The following PLA2G4A variants were observed in gnomAD, a reference collection of about 807,000 sequenced individuals.
PLA2G4A encodes the protein phospholipase A2 group IVA.
PLA2G4A carries 40 observed loss-of-function variants against 81.9 expected under a neutral mutation model. The ratio of observed to expected loss-of-function variants is 0.49; its 90% CI spans 0.38 to 0.64. The LOEUF is 0.64. PLA2G4A is among the 30% of genes least tolerant of loss of function. The pLI is 0.00. For missense variants in PLA2G4A, 715 were observed against 905.1 expected, an observed-to-expected ratio of 0.79 and a Z score of 2.69; for synonymous variants, 302 against 296.9, an observed-to-expected ratio of 1.02 and a Z score of -0.18.
chr1:186,894,040 G>A, intron 4 of PLA2G4A, 58 bp from the exon 5 acceptor site: 1 of 781,864 alleles, frequency 1.3e-6, no homozygotes, highest in Non-Finnish European at 2.4e-6. Flanking sequence ...AATTATAGAT[G>A]TCATTTCCAA....
intron 17 of PLA2G4A, among the ~76,000 whole-genome samples, chr1:186,986,933 A>G (rs1657909891): frequency 6.6e-6 from 1 of 152,222 alleles, no homozygotes; most frequent in African/African-American, 2.4e-5. Context: ...GGATCAGCAA[A>G]TATCAGCTTT....
intron 15 of PLA2G4A, among the ~76,000 whole-genome samples, chr1:186,967,748 G>T (rs1300091412): frequency 6.6e-6 from 1 of 152,092 alleles, no homozygotes; most frequent in African/African-American, 2.4e-5. Context: ...ACATCTAAGG[G>T]GCAGGAGTGA....
chr1:186,906,594 G>C (rs1480587534), intron 5 of PLA2G4A, among the ~76,000 whole-genome samples: 1 of 152,204 alleles, frequency 6.6e-6, no homozygotes, highest in Non-Finnish European at 1.5e-5. Context: ...TTTGTGGCCT[G>C]AGGCAGCTCC....
intron 6 of PLA2G4A, among the ~76,000 whole-genome samples, chr1:186,910,617 G>C (rs1654904820): frequency 6.6e-6 from 1 of 151,984 alleles, no homozygotes. Flanking sequence ...GTGACTTCTG[G>C]CATAGTGTAG....
intron 3 of PLA2G4A, among the ~76,000 whole-genome samples, chr1:186,892,634 C>A (rs954125218): frequency 6.6e-6 from 1 of 152,120 alleles, no homozygotes; most frequent in African/African-American, 2.4e-5. Flanking sequence ...TAGCTTTAAG[C>A]CCATGATCTT....
At chr1:186,835,672 A>G (rs1221946668) in intron 1 of PLA2G4A, among the ~76,000 whole-genome samples, 1 of 152,210 alleles carries the variant, frequency 6.6e-6, no homozygotes, top group Non-Finnish European at 1.5e-5. Flanking sequence ...GATCTCAAAG[A>G]GAGAACACTA....
chr1:186,951,371 T>C (rs1656554693), intron 13 of PLA2G4A, among the ~76,000 whole-genome samples: 1 of 152,054 alleles, frequency 6.6e-6, no homozygotes, highest in Non-Finnish European at 1.5e-5. Flanking sequence ...AAAGTCATAT[T>C]TGTTGTAAAT....
intron 5 of PLA2G4A, among the ~76,000 whole-genome samples, chr1:186,904,009 ACT>A (rs1400827421): frequency 1.3e-5 from 2 of 152,116 alleles, no homozygotes; most frequent in Non-Finnish European, 2.9e-5. Flanking sequence ...TTTCAAAATG[ACT>A]CTGGAGAGTT....
intron 7 of PLA2G4A, among the ~76,000 whole-genome samples, chr1:186,931,527 TA>T (rs1571413274): frequency 1.4e-5 from 1 of 73,424 alleles, no homozygotes; most frequent in African/African-American, 3.2e-5. Context: ...CTATTATTAT[TA>T]TTATTATTAT....
chr1:186,881,574 C>T (rs12720526), intron 3 of PLA2G4A, among the ~76,000 whole-genome samples: 2,789 of 152,130 alleles, frequency 0.018, 102 homozygotes, highest in African/African-American at 0.065. Context: ...GTAAACAAGT[C>T]CTGTGGCACT....
intron 12 of PLA2G4A, 36 bp from the exon 13 acceptor site, chr1:186,950,621 C>G: frequency 8.5e-7 from 1 of 1,176,668 alleles, no homozygotes. Flanking sequence ...ATTTTGACAC[C>G]TGAAATGCTT....
intron 10 of PLA2G4A, among the ~76,000 whole-genome samples, chr1:186,944,045 A>G (rs1003279296): frequency 6.6e-6 from 1 of 152,168 alleles, no homozygotes; most frequent in Non-Finnish European, 1.5e-5. Context: ...ATAGATGGAT[A>G]TGAGAGGCCT....
intron 2 of PLA2G4A, among the ~76,000 whole-genome samples, chr1:186,854,773 C>T (rs958512681): frequency 2.0e-5 from 3 of 151,902 alleles, no homozygotes; most frequent in African/African-American, 7.2e-5. Context: ...TTTGCATTTT[C>T]AGGGCAATTA....
intron 10 of PLA2G4A, among the ~76,000 whole-genome samples, chr1:186,946,181 A>G (rs934258979): frequency 3.3e-5 from 5 of 152,168 alleles, no homozygotes; most frequent in Non-Finnish European, 5.9e-5. Context: ...ATAGACAGTT[A>G]GTGAGCAAAA....
At chr1:186,839,720 A>C (rs895213552) in intron 1 of PLA2G4A, among the ~76,000 whole-genome samples, 2 of 152,144 alleles carry the variant, frequency 1.3e-5, no homozygotes, top group African/African-American at 4.8e-5. Context: ...CTACATGTTC[A>C]TTATGGTGCT....
At chr1:186,955,089 T>C (rs1256944844) in intron 13 of PLA2G4A, among the ~76,000 whole-genome samples, 1 of 152,204 alleles carries the variant, frequency 6.6e-6, no homozygotes, top group African/African-American at 2.4e-5. Context: ...GAGGCAGTGC[T>C]ATAAATGACC....
chr1:186,963,789 T>C (rs1402194282), intron 14 of PLA2G4A, among the ~76,000 whole-genome samples: 1 of 152,236 alleles, frequency 6.6e-6, no homozygotes, highest in Admixed American at 6.5e-5. Flanking sequence ...GAACGTTGGA[T>C]ATTAATGTTT....
intron 7 of PLA2G4A, among the ~76,000 whole-genome samples, chr1:186,927,872 T>A (rs1483890119): frequency 6.6e-6 from 1 of 152,220 alleles, no homozygotes; most frequent in Non-Finnish European, 1.5e-5. Context: ...ATGTTTCTGT[T>A]GTTTCCTTCA....
chr1:186,872,541 G>A (rs531193463), intron 3 of PLA2G4A, among the ~76,000 whole-genome samples: 6 of 151,872 alleles, frequency 4.0e-5, no homozygotes, highest in Middle Eastern at 6.8e-3. Context: ...TCAATGAAGC[G>A]TTCTGTTGTG....
Sources: allele counts gnomAD v4.1 joint callset (sites outside exome capture counted in the v4.1 genomes callset), GRCh38; gene constraint gnomAD v4.1.1; transcripts MANE v1.5; gene names NCBI Gene and HGNC (gene_info 2026-07-23, HGNC 2026-07-21).